The following SF3B6 variants were observed in gnomAD, a reference collection of about 807,000 sequenced individuals.
The protein encoded by SF3B6 is SF3b 14 kDa subunit.
Under a neutral mutation model 15.9 loss-of-function variants are expected in SF3B6, and 3 were observed. That is an observed-to-expected ratio of 0.19 (90% CI 0.09 to 0.49). The LOEUF (loss-of-function observed/expected upper bound fraction) is 0.49. Among genes scored for constraint, SF3B6 ranks in the 20% least tolerant of loss-of-function variants. SF3B6 has a pLI of 0.97. For synonymous variants in SF3B6, 49 were observed against 51.1 expected (o/e 0.96, Z 0.18); for missense variants, 71 against 154.3 (o/e 0.46, Z 2.86).
Position 24,068,306 on chromosome 2 carries a change from C to T in SF3B6, c.288+15G>A, listed in dbSNP as rs1482797823. The T allele has an allele frequency of 1.7e-5, 27 of 1,605,546 alleles. No homozygotes were observed. The highest frequency in any genetic ancestry group is 2.3e-5 in the Non-Finnish European group (27 of 1,175,770). Reference sequence around the variant, plus strand: ...AAATGAGATCACTACACAATGAGAACTTTGCTATACTTACCCTGTTGGCAT... The same window carrying T: ...AAATGAGATCACTACACAATGAGAATTTTGCTATACTTACCCTGTTGGCAT... On this transcript the variant is annotated intron_variant, in intron 3 of 3. Transcript: ENST00000233468.
chr2:24,068,488 A>T, intron 2 of SF3B6, 29 bp from the exon 3 acceptor site: 1 of 1,583,430 alleles, frequency 6.3e-7, no homozygotes, highest in Non-Finnish European at 8.6e-7. Context: ...CTTAATTAAG[A>T]TATACATTTA....
Position 24,075,352 on chromosome 2 carries a change from TC to T in SF3B6, c.30+847del, listed in dbSNP as rs1558355158. Among the ~76,000 whole-genome samples, 566 of 135,838 alleles carry T rather than the reference TC, an allele frequency of 4.2e-3. 3 individuals are homozygous for T. The highest frequency in any genetic ancestry group is 0.014 in the African/African-American group (478 of 34,702). The allele number at this position is 135,838 out of a possible 152,430, so 89.1% of individuals were successfully genotyped here. ...CTTGTCTTTTCTTTCTTTCTTTCTT[TC>T]TTTCTGTTTTTTTTTTTTTTTTTGA... On this transcript the variant is annotated intron_variant, in intron 1 of 3. Transcript: ENST00000233468.
intron 2 of SF3B6, among the ~76,000 whole-genome samples, chr2:24,073,278 T>C (rs937415972): frequency 2.6e-5 from 4 of 152,244 alleles, no homozygotes; most frequent in African/African-American, 7.2e-5. Context: ...ATAAAAACTT[T>C]AGAAATCCTT....
intron 2 of SF3B6, among the ~76,000 whole-genome samples, chr2:24,070,292 C>T (rs550706817): frequency 3.3e-5 from 5 of 152,224 alleles, no homozygotes; most frequent in East Asian, 3.9e-4. Context: ...TGCAGGTGTG[C>T]GCCACCATGC....
At chr2:24,068,730 A>G (rs2150977223) in intron 2 of SF3B6, among the ~76,000 whole-genome samples, 1 of 152,350 alleles carries the variant, frequency 6.6e-6, no homozygotes, top group South Asian at 2.1e-4. Context: ...TGACTGTCAC[A>G]TCAGGAATAC....
intron 1 of SF3B6, 106 bp from the exon 2 acceptor site, chr2:24,074,300 G>A (rs1024063470): frequency 7.3e-5 from 44 of 601,946 alleles, no homozygotes; most frequent in South Asian, 7.2e-4. Context: ...TTAATGATAC[G>A]TAATAATAAA....
chr2:24,070,025 G>A (rs1222141717), intron 2 of SF3B6, among the ~76,000 whole-genome samples: 1 of 152,046 alleles, frequency 6.6e-6, no homozygotes, highest in Non-Finnish European at 1.5e-5. Context: ...CTTTGTTCAG[G>A]AAGCTCAAAA....
At chr2:24,075,002 A>C (rs901750079) in intron 1 of SF3B6, among the ~76,000 whole-genome samples, 1 of 151,998 alleles carries the variant, frequency 6.6e-6, no homozygotes, top group Admixed American at 6.6e-5. Flanking sequence ...GGTGGTGGGC[A>C]CCTGTAATCC....
At chr2:24,075,323 A>G (rs1664717421) in intron 1 of SF3B6, among the ~76,000 whole-genome samples, 2 of 147,486 alleles carry the variant, frequency 1.4e-5, no homozygotes, top group African/African-American at 5.0e-5. Flanking sequence ...ACAATGGTCA[A>G]TTGCTTGTCT....
chr2:24,072,476 G>A (rs532633843), intron 2 of SF3B6, among the ~76,000 whole-genome samples: 54 of 152,286 alleles, frequency 3.5e-4, no homozygotes, highest in African/African-American at 1.2e-3. Context: ...GAGACACATG[G>A]AAATGCTATG....
intron 2 of SF3B6, among the ~76,000 whole-genome samples, chr2:24,069,908 A>T (rs1409531367): frequency 1.3e-5 from 2 of 152,222 alleles, no homozygotes; most frequent in African/African-American, 4.8e-5. Flanking sequence ...AGCAAAGGTG[A>T]TCTTATGCGT....
chr2:24,071,658 C>T (rs1664653042), intron 2 of SF3B6, among the ~76,000 whole-genome samples: 1 of 152,144 alleles, frequency 6.6e-6, no homozygotes. Flanking sequence ...GATAGGGAAA[C>T]AGGGAGCTAC....
intron 2 of SF3B6, among the ~76,000 whole-genome samples, chr2:24,071,137 C>T (rs1056113867): frequency 2.6e-5 from 4 of 152,068 alleles, no homozygotes; most frequent in African/African-American, 9.7e-5. Context: ...GGATTATAGG[C>T]ATGCACCACC....
chr2:24,067,694 T>C lies in SF3B6; in HGVS notation c.*68A>G. 5.3e-6 allele frequency: 7 copies of C among 1,312,182 alleles called. No individual in the cohort carries two copies. Among genetic ancestry groups the C allele is most frequent in the South Asian group, 2.5e-5 (2 of 79,378 alleles). The allele number at this position is 1,312,182 out of a possible 1,614,324, so 81.3% of individuals were successfully genotyped here. ...AAGAAATCACAATATTTAGTATTAA[T>C]TAAAAAGGAAAAAAAGGTGGTAGTT... is the stretch of plus-strand genomic sequence containing the variant. On this transcript the variant is annotated 3_prime_UTR_variant, in exon 4 of 4. Transcript: ENST00000233468.
chr2:24,069,090 G>A (rs991466320), intron 2 of SF3B6, among the ~76,000 whole-genome samples: 3 of 152,072 alleles, frequency 2.0e-5, no homozygotes, highest in South Asian at 2.1e-4. Flanking sequence ...CAAGTGATCC[G>A]CCTGCCTCAG....
chr2:24,073,998 G>T, intron 2 of SF3B6, 78 bp downstream of exon 2: 1 of 884,360 alleles, frequency 1.1e-6, no homozygotes, highest in Non-Finnish European at 1.9e-6. Flanking sequence ...CACAGCACAG[G>T]GTGGCCTCAT....
At chr2:24,070,994 C>CT (rs897677718) in intron 2 of SF3B6, among the ~76,000 whole-genome samples, 231 of 150,244 alleles carry the variant, frequency 1.5e-3, no homozygotes, top group African/African-American at 4.2e-3. Flanking sequence ...CATTATAAAT[C>CT]TTTTTTTTTT....
At chr2:24,070,829 G>A (rs1664641338) in intron 2 of SF3B6, among the ~76,000 whole-genome samples, 1 of 152,126 alleles carries the variant, frequency 6.6e-6, no homozygotes, top group Non-Finnish European at 1.5e-5. Flanking sequence ...TTAGACCTAA[G>A]CTCCTGTACC....
intron 1 of SF3B6, among the ~76,000 whole-genome samples, chr2:24,075,359 GTT>G (rs776683939): frequency 2.9e-4 from 21 of 72,720 alleles, no homozygotes; most frequent in Non-Finnish European, 3.5e-4. Flanking sequence ...CTTTCTTTCT[GTT>G]TTTTTTTTTT....
Sources: gnomAD v4.1 joint callset for allele counts (sites outside exome capture counted in the v4.1 genomes callset) on GRCh38, gnomAD v4.1.1 for gene constraint, MANE v1.5 for transcripts, NCBI Gene and HGNC (gene_info 2026-07-23, HGNC 2026-07-21) for gene names.